Variants in LBH observed in about 807,000 individuals in gnomAD.
LBH encodes the protein LBH regulator of Wnt signaling pathway.
In LBH, 7 loss-of-function variants were observed where a neutral mutation model predicts 12.5. The ratio of observed to expected loss-of-function variants is 0.56; its 90% CI spans 0.32 to 1.05. The LOEUF is 1.05. Among genes scored for constraint, LBH ranks in the 50% least tolerant of loss-of-function variants. The probability of loss-of-function intolerance (pLI) is 0.04; values close to 1 mark genes in which losing one functional copy is unlikely to be tolerated. For missense variants in LBH, 119 were observed against 138.9 expected (o/e 0.86, Z 0.72); for synonymous variants, 51 against 50.1 (o/e 1.02, Z -0.08).
At chr2:30,246,808 C>G (rs74796885) in intron 2 of LBH, among the ~76,000 whole-genome samples, 1 of 95,688 alleles carries the variant, frequency 1.0e-5, no homozygotes, top group Admixed American at 1.3e-4. Flanking sequence ...TCACTCACTC[C>G]CTCCCTCCCT....
At position 30,237,425 on chromosome 2, in the gene LBH, A is replaced by G. The variant is rs553131963; in HGVS notation, c.129+2918A>G. The stretch of plus-strand genomic sequence containing the variant: ...TGCCTGTGGCATTTTGTACTTGCCA[A>G]TGATGCCGCTTCGAGGATACGGGTC... On this transcript the variant is annotated intron_variant, in intron 2 of 2. Coordinates refer to ENST00000395323, the MANE Select transcript of LBH (RefSeq NM_030915.4). Among the ~76,000 whole-genome samples the G allele has an allele frequency of 4.9e-5, 7 of 143,962 alleles. No individual in the cohort carries two copies. In the South Asian group the frequency reaches 1.5e-3, roughly 30 times the overall value. The allele number at this position is 143,962 out of a possible 152,430, so 94.4% of individuals were successfully genotyped here.
At chr2:30,247,835 C>T (rs1046456734) in intron 2 of LBH, among the ~76,000 whole-genome samples, 1 of 152,144 alleles carries the variant, frequency 6.6e-6, no homozygotes, top group African/African-American at 2.4e-5. Flanking sequence ...AGCTGGCGAA[C>T]AATTGATGAT....
At position 30,257,669 on chromosome 2, in the gene LBH, A is replaced by C. The variant is rs1678109608; in HGVS notation, c.*48A>C. ...TCATACCAGCCAGCATCTGTTCCTG[A>C]ACTGTGTTTTTCCCATCATGACGGA... On this transcript the variant is annotated 3_prime_UTR_variant, in exon 3 of 3. Transcript: ENST00000395323. 1 of 1,403,832 alleles carries C rather than the reference A, an allele frequency of 7.1e-7. No individual in the cohort carries two copies. The highest frequency in any genetic ancestry group is 1.4e-5 in the African/African-American group (1 of 69,196). 87.0% of individuals were successfully genotyped at this position (1,403,832 alleles called of 1,614,324 possible).
At chr2:30,246,291 C>T (rs997409127) in intron 2 of LBH, among the ~76,000 whole-genome samples, 3 of 152,094 alleles carry the variant, frequency 2.0e-5, no homozygotes, top group African/African-American at 4.8e-5. Flanking sequence ...TTTCTCCAGG[C>T]CAACTATTCT....
rs2103565028 is a variant in LBH at position 30,257,791 on chromosome 2, T to TG, written c.*170_*171insG. On this transcript the variant is annotated 3_prime_UTR_variant, in exon 3 of 3. Coordinates refer to ENST00000395323, the MANE Select transcript of LBH (RefSeq NM_030915.4). Reference sequence around the variant, plus strand: ...GTTGGTTTTCTTTTCTTTTCTTGCCTTTTTTTTTTTTTGAAATTTGCCGAG... The same window carrying TG: ...GTTGGTTTTCTTTTCTTTTCTTGCCTGTTTTTTTTTTTTGAAATTTGCCGAG... 6.0e-6 allele frequency: 1 copy of TG among 165,950 alleles called. No individual in the cohort carries two copies. The highest frequency in any genetic ancestry group is 1.4e-4 in the South Asian group (1 of 7,002). The allele number at this position is 165,950 out of a possible 1,614,324, so 10.3% of individuals were successfully genotyped here. A position where few individuals can be genotyped will look rare whatever the true frequency, so the allele number is the denominator to read the frequency against.
At chr2:30,256,471 G>C (rs1374901454) in intron 2 of LBH, 1 of 152,214 alleles carries the variant, frequency 6.6e-6, no homozygotes, top group African/African-American at 2.4e-5. Flanking sequence ...CCATCTGCTT[G>C]AGGGACAAGC....
intron 2 of LBH, chr2:30,256,542 G>A (rs1310943830): frequency 6.6e-6 from 1 of 152,194 alleles, no homozygotes; most frequent in Non-Finnish European, 1.5e-5. Flanking sequence ...TTTCAAGATG[G>A]AGTCTCGCTC....
At chr2:30,233,870 A>G (rs569905979) in intron 1 of LBH, among the ~76,000 whole-genome samples, 99 of 152,380 alleles carry the variant, frequency 6.5e-4, no homozygotes, top group African/African-American at 2.0e-3. Context: ...ACATTTTGCC[A>G]AAAGGAGCAC....
At chr2:30,240,737 G>A (rs1197591963) in intron 2 of LBH, among the ~76,000 whole-genome samples, 1 of 152,184 alleles carries the variant, frequency 6.6e-6, no homozygotes, top group African/African-American at 2.4e-5. Context: ...AGGAAACTTT[G>A]GGAGCCCCCT....
In LBH at chr2:30,257,858, G is replaced by A. The variant is rs1340918137; in HGVS notation, c.*237G>A. 2.6e-6 allele frequency: 1 copy of A among 377,996 alleles called. No homozygotes were observed. Among genetic ancestry groups the A allele is most frequent in the Admixed American group, 4.6e-5 (1 of 21,836 alleles). 23.4% of individuals were successfully genotyped at this position (377,996 alleles called of 1,614,324 possible). ...CAATTTGCAAGGCCCTCTGAGAAAG[G>A]AAGCTGCTTAGAGCCAGGGGGTTAG... On this transcript the variant is annotated 3_prime_UTR_variant, in exon 3 of 3. Coordinates refer to ENST00000395323, the MANE Select transcript of LBH (RefSeq NM_030915.4).
intron 1 of LBH, chr2:30,232,449 A>C (rs1677608286): frequency 4.0e-6 from 2 of 503,586 alleles, no homozygotes; most frequent in Non-Finnish European, 3.4e-6. Context: ...TTTGCCCCGG[A>C]CTGGGGATCG....
At chr2:30,249,220 A>AATG (rs1677930622) in intron 2 of LBH, among the ~76,000 whole-genome samples, 1 of 152,230 alleles carries the variant, frequency 6.6e-6, no homozygotes, top group South Asian at 2.1e-4. Flanking sequence ...AAATAATAAT[A>AATG]ATGATGATAA....
chr2:30,248,559 A>G (rs1280665477), intron 2 of LBH, among the ~76,000 whole-genome samples: 1 of 152,192 alleles, frequency 6.6e-6, no homozygotes, highest in Non-Finnish European at 1.5e-5. Context: ...GGGTAGTACT[A>G]GTGGAGGGAG....
At chr2:30,247,887 G>T (rs1677903767) in intron 2 of LBH, among the ~76,000 whole-genome samples, 1 of 152,194 alleles carries the variant, frequency 6.6e-6, no homozygotes, top group Admixed American at 6.5e-5. Context: ...TCTCGCCAAG[G>T]TGCCAGCAGT....
Position 30,231,670 on chromosome 2 carries a change from C to T in LBH, c.-69C>T, listed in dbSNP as rs1334265328. 5 of 1,486,604 alleles carry T rather than the reference C, an allele frequency of 3.4e-6. No homozygotes were observed. The Admixed American group carries it at 7.0e-5, about 21-fold the overall frequency. The allele number at this position is 1,486,604 out of a possible 1,614,324, so 92.1% of individuals were successfully genotyped here. A position where few individuals can be genotyped will look rare whatever the true frequency, so the allele number is the denominator to read the frequency against. ...CTGCCGTGCCCGTCTGCGCCCGTGTCATCCTCACTCGGGACGCAGGGACCG... is the reference window on the plus strand; with the variant it reads ...CTGCCGTGCCCGTCTGCGCCCGTGTTATCCTCACTCGGGACGCAGGGACCG... On this transcript the variant is annotated 5_prime_UTR_variant, in exon 1 of 3. Transcript: ENST00000395323.
chr2:30,232,037 G>T (rs1168726829), intron 1 of LBH: 1 of 1,344,894 alleles, frequency 7.4e-7, no homozygotes, highest in East Asian at 2.6e-5. Context: ...GGGGGAGCCA[G>T]GGGTCACGTG....
At position 30,258,582 on chromosome 2, in the gene LBH, C is replaced by T; in HGVS notation, c.*961C>T. 1 of 153,514 alleles carries T rather than the reference C, an allele frequency of 6.5e-6. No individual in the cohort carries two copies. 9.5% of individuals were successfully genotyped at this position (153,514 alleles called of 1,614,324 possible). On this transcript the variant is annotated 3_prime_UTR_variant, in exon 3 of 3. Coordinates refer to ENST00000395323, the MANE Select transcript of LBH (RefSeq NM_030915.4). ...TGGCCCTTCCTTCTCCTCACCGCCACCTTCCCTGCCCCAGCCCCAGCAGCC... is the reference window on the plus strand; with the variant it reads ...TGGCCCTTCCTTCTCCTCACCGCCATCTTCCCTGCCCCAGCCCCAGCAGCC...
intron 2 of LBH, among the ~76,000 whole-genome samples, chr2:30,237,822 C>T (rs1421276228): frequency 2.0e-5 from 3 of 152,314 alleles, no homozygotes; most frequent in East Asian, 1.9e-4. Flanking sequence ...ATTCACTTAA[C>T]ATGAATTGTG....
intron 2 of LBH, among the ~76,000 whole-genome samples, chr2:30,253,526 G>T (rs1388356841): frequency 6.6e-6 from 1 of 152,138 alleles, no homozygotes; most frequent in East Asian, 1.9e-4. Flanking sequence ...AACAGTGCTT[G>T]CTTCGAGCAA....
Sources: gnomAD v4.1 joint callset for allele counts (sites outside exome capture counted in the v4.1 genomes callset) on GRCh38, gnomAD v4.1.1 for gene constraint, MANE v1.5 for transcripts, NCBI Gene and HGNC (gene_info 2026-07-23, HGNC 2026-07-21) for gene names.